MFSD8: variants seen among roughly 807,000 people sequenced by gnomAD.
MFSD8 encodes the protein major facilitator superfamily domain containing 8.
A neutral mutation model predicts 66.4 loss-of-function variants in MFSD8; 55 were observed. The observed-to-expected ratio is 0.83, with a 90% confidence interval of 0.67 to 1.04. The LOEUF (loss-of-function observed/expected upper bound fraction) is 1.04. Among genes scored for constraint, MFSD8 ranks in the 50% least tolerant of loss-of-function variants. The pLI, the probability that MFSD8 is intolerant of heterozygous loss-of-function variation, is 0.00. For missense variants in MFSD8, 550 were observed against 627.6 expected (o/e 0.88, Z 1.32); for synonymous variants, 202 against 212.8 (o/e 0.95, Z 0.44).
At chr4:127,963,698 A>G (rs4470641) in intron 1 of MFSD8, among the ~76,000 whole-genome samples, 12,180 of 152,238 alleles carry the variant, frequency 0.08, 973 homozygotes, top group East Asian at 0.27. Flanking sequence ...TAAAAGCCGT[A>G]TGGTCCCAAA....
At chr4:127,935,173 C>T (rs977512283) in intron 7 of MFSD8, among the ~76,000 whole-genome samples, 5 of 152,160 alleles carry the variant, frequency 3.3e-5, no homozygotes, top group African/African-American at 9.7e-5. Context: ...TTGTCCAGAA[C>T]CTTTGCCAGG....
chr4:127,920,785 C>G lies in MFSD8; in HGVS notation c.1402G>C (p.Gly468Arg). Residue 468 changes from glycine (G) to arginine (R), a missense_variant, in exon 12 of 12, where the codon GGG (glycine) becomes CGG (arginine). Gly to Arg is a moderately radical substitution (Grantham distance 125). Transcript: ENST00000641686. ...TACACTTGGCTGATGAACATAGGCC[C>G]AAGAATCCGGGCTCCACTTCCAGAT... ...TASGSGARIL[G>R]PMFISQVYAH... is the part of the protein sequence containing the mutation. 6.2e-7 allele frequency: 1 copy of G among 1,614,044 alleles called. No homozygotes were observed. The highest frequency in any genetic ancestry group is 1.1e-5 in the South Asian group (1 of 91,072).
At chr4:127,926,557 G>T (rs1482163793) in intron 9 of MFSD8, among the ~76,000 whole-genome samples, 1 of 151,868 alleles carries the variant, frequency 6.6e-6, no homozygotes, top group Non-Finnish European at 1.5e-5. Context: ...TGAGGGGATG[G>T]TATTGGACAT....
chr4:127,955,774 C>G (rs1181115320), intron 2 of MFSD8, among the ~76,000 whole-genome samples: 2 of 152,088 alleles, frequency 1.3e-5, no homozygotes, highest in Non-Finnish European at 2.9e-5. Flanking sequence ...TACAATCTGT[C>G]TTGGGACATT....
rs754809138 is a variant in MFSD8, at chr4:127,943,921, A to T, written c.270T>A (p.Ala90=). 4.7e-5 allele frequency: 76 copies of T among 1,614,068 alleles called. No homozygotes were observed. Among genetic ancestry groups the T allele is most frequent in the Non-Finnish European group, 6.4e-5 (76 of 1,180,034 alleles). The part of the protein sequence containing the change: ...IASYSLGQMV[A]SPIFGLWSNY... The stretch of plus-strand genomic sequence containing the variant: ...TAGACCATAAACCAAATATAGGTGA[A>T]GCTACCATTTGGCCAAGACTATATG... The change falls in exon 4 of 12, where the codon GCT becomes GCA. Residue 90 remains alanine (A), a synonymous_variant. Coordinates refer to ENST00000641686, the MANE Select transcript of MFSD8 (RefSeq NM_001371596.2).
chr4:127,936,955 T>C (rs1054295120), intron 7 of MFSD8, among the ~76,000 whole-genome samples: 3 of 152,230 alleles, frequency 2.0e-5, no homozygotes, highest in African/African-American at 7.2e-5. Context: ...TCCGTCACTT[T>C]ACCTGATAGC....
At chr4:127,956,054 G>A (rs1460985606) in intron 2 of MFSD8, among the ~76,000 whole-genome samples, 2 of 151,606 alleles carry the variant, frequency 1.3e-5, no homozygotes, top group African/African-American at 4.9e-5. Context: ...AGGAGGCAGA[G>A]GTTGCAGTAA....
chr4:127,923,557 TA>T (rs1736693997), intron 9 of MFSD8, among the ~76,000 whole-genome samples: 1 of 107,232 alleles, frequency 9.3e-6, no homozygotes, highest in African/African-American at 5.2e-5. Flanking sequence ...TTTTATTTAT[TA>T]TTATTATTAT....
chr4:127,935,488 C>T (rs1195271895), intron 7 of MFSD8, among the ~76,000 whole-genome samples: 2 of 152,098 alleles, frequency 1.3e-5, no homozygotes, highest in African/African-American at 4.8e-5. Context: ...AAATTATAAT[C>T]CTGTCTCATA....
chr4:127,960,233 T>C (rs1421904270), intron 1 of MFSD8, among the ~76,000 whole-genome samples: 1 of 152,226 alleles, frequency 6.6e-6, no homozygotes, highest in East Asian at 1.9e-4. Context: ...ATGAGTTAGA[T>C]AAAATTTAAC....
At chr4:127,947,415 T>C (rs1365199810) in intron 3 of MFSD8, among the ~76,000 whole-genome samples, 1 of 151,630 alleles carries the variant, frequency 6.6e-6, no homozygotes, top group East Asian at 1.9e-4. Context: ...CCGTCTCTAC[T>C]AAAAATACAA....
chr4:127,938,537 C>T (rs375085781), intron 7 of MFSD8, among the ~76,000 whole-genome samples: 1 of 149,862 alleles, frequency 6.7e-6, no homozygotes, highest in South Asian at 2.1e-4. Context: ...GAGCAGAGAT[C>T]GCACCACTGC....
At position 127,920,423 on chromosome 4, in the gene MFSD8, A is replaced by G; in HGVS notation, c.*207T>C. The G allele has an allele frequency of 5.0e-6, 3 of 600,634 alleles. No individual in the cohort carries two copies. In the South Asian group the frequency reaches 5.8e-5, roughly 12 times the overall value. The allele number at this position is 600,634 out of a possible 1,614,324, so 37.2% of individuals were successfully genotyped here. A position where few individuals can be genotyped will look rare whatever the true frequency, so the allele number is the denominator to read the frequency against. ...ATAATATTTCATTTCTGAGGTAAGG[A>G]AATTATCATCTAGTATGTTTTTATA... is the stretch of plus-strand genomic sequence containing the variant. On this transcript the variant is annotated 3_prime_UTR_variant, in exon 12 of 12. Coordinates refer to ENST00000641686, the MANE Select transcript of MFSD8 (RefSeq NM_001371596.2).
chr4:127,933,155 AG>A, intron 7 of MFSD8, 62 bp from the exon 8 acceptor site: 1 of 1,355,172 alleles, frequency 7.4e-7, no homozygotes, highest in Non-Finnish European at 1.0e-6. Flanking sequence ...ATGACATTAA[AG>A]TAATGTAGAA....
chr4:127,938,591 A>AT (rs1412493047), intron 7 of MFSD8, among the ~76,000 whole-genome samples, 192 bp downstream of exon 7: 413 of 138,272 alleles, frequency 3.0e-3, no homozygotes, highest in Non-Finnish European at 3.9e-3. Flanking sequence ...TCAAAAAAAA[A>AT]AAAATAAATA....
chr4:127,935,925 T>C (rs1055444740), intron 7 of MFSD8, among the ~76,000 whole-genome samples: 1 of 152,296 alleles, frequency 6.6e-6, no homozygotes, highest in East Asian at 1.9e-4. Flanking sequence ...AAGCATCACA[T>C]CACATGGTAG....
intron 3 of MFSD8, among the ~76,000 whole-genome samples, chr4:127,947,326 A>T (rs1450813970): frequency 6.6e-6 from 1 of 152,032 alleles, no homozygotes; most frequent in African/African-American, 2.4e-5. Flanking sequence ...GGAGGTGGAA[A>T]TCCCAGCACT....
chr4:127,965,585 G>A (rs1745015238), upstream of MFSD8: 1 of 229,014 alleles, frequency 4.4e-6, no homozygotes, highest in Non-Finnish European at 8.9e-6. Context: ...CAGCTCGATC[G>A]CAGGCTTCCA....
chr4:127,943,767 A>G lies in MFSD8; in HGVS notation c.424T>C (p.Leu142=), dbSNP rs2148921676. ...ACAACCTTACCTGCTCCAATTCCCA[A>G]CAATCCACGAGCAACCAGCATGTAG... ...KYYMLVARGL[L]GIGAGNVAVV... The change falls in exon 4 of 12, where the codon TTG becomes CTG. Residue 142 remains leucine (L), a synonymous_variant. Coordinates refer to ENST00000641686, the MANE Select transcript of MFSD8 (RefSeq NM_001371596.2). 2 of 1,614,160 alleles carry G rather than the reference A, an allele frequency of 1.2e-6. No individual in the cohort carries two copies. The highest frequency in any genetic ancestry group is 1.1e-5 in the South Asian group (1 of 91,078).
Sources: gnomAD v4.1 joint callset for allele counts (sites outside exome capture counted in the v4.1 genomes callset) on GRCh38, gnomAD v4.1.1 for gene constraint, MANE v1.5 for transcripts, NCBI Gene and HGNC (gene_info 2026-07-23, HGNC 2026-07-21) for gene names.